The following PDE4D variants were observed in gnomAD, a reference collection of about 807,000 sequenced individuals.
PDE4D encodes the protein 3',5'-cyclic-AMP phosphodiesterase 4D.
A neutral mutation model predicts 87.4 loss-of-function variants in PDE4D; 24 were observed. The observed-to-expected ratio is 0.27, with a 90% CI of 0.20 to 0.39. The LOEUF (loss-of-function observed/expected upper bound fraction) is 0.39. PDE4D is among the 10% of genes least tolerant of loss of function. The pLI, the probability that PDE4D is intolerant of heterozygous loss-of-function variation, is 1.00. For synonymous variants in PDE4D, 384 were observed against 383.2 expected (o/e 1.00, Z -0.02); for missense variants, 714 against 1,041.0 (o/e 0.69, Z 4.32).
intron 1 of PDE4D, among the ~76,000 whole-genome samples, chr5:60,508,566 CA>C (rs1484137064): frequency 6.6e-6 from 1 of 152,214 alleles, no homozygotes; most frequent in Non-Finnish European, 1.5e-5. Context: ...CATTGACCAA[CA>C]AAAATGTTTA....
chr5:60,059,737 C>A (rs950388932), intron 2 of PDE4D, among the ~76,000 whole-genome samples: 1 of 151,938 alleles, frequency 6.6e-6, no homozygotes, highest in African/African-American at 2.4e-5. Context: ...AGCCACTATC[C>A]AACCCTGCAG....
intron 1 of PDE4D, among the ~76,000 whole-genome samples, chr5:59,740,901 T>C (rs1758736704): frequency 6.6e-6 from 1 of 152,206 alleles, no homozygotes; most frequent in African/African-American, 2.4e-5. Flanking sequence ...TATTAATTCA[T>C]TTCTACATAA....
At chr5:60,157,852 C>CTTTTCTT (rs921221141) in intron 2 of PDE4D, among the ~76,000 whole-genome samples, 10 of 151,958 alleles carry the variant, frequency 6.6e-5, no homozygotes, top group African/African-American at 1.7e-4. Context: ...CCATTCTTTT[C>CTTTTCTT]TTTTCTTTTT....
At position 60,426,597 on chromosome 5, in the gene PDE4D, G is replaced by A. The variant is rs535696031; in HGVS notation, c.-90+61345C>T. Among the ~76,000 whole-genome samples, 6 of 152,194 alleles carry A rather than the reference G, an allele frequency of 3.9e-5. No individual in the cohort carries two copies. In the South Asian group the frequency reaches 1.2e-3, roughly 32 times the overall value. On this transcript the variant is annotated intron_variant, in intron 1 of 16. Coordinates refer to the PDE4D transcript ENST00000502484. ...CCTAATGTAAATGATGAGTTGATGG[G>A]TGAAGCAAACCAACATGGCACATGT...
chr5:59,784,778 A>G (rs547402718), intron 1 of PDE4D, among the ~76,000 whole-genome samples: 16 of 152,282 alleles, frequency 1.1e-4, no homozygotes, highest in Admixed American at 3.9e-4. Flanking sequence ...CATGATTCCC[A>G]TGTGTTGTGG....
At chr5:59,361,688 A>AGG (rs1343937173) in intron 1 of PDE4D, among the ~76,000 whole-genome samples, 3 of 152,192 alleles carry the variant, frequency 2.0e-5, no homozygotes, top group African/African-American at 7.2e-5. Context: ...CTCCCCTGAT[A>AGG]GACCTAAACA....
chr5:60,027,954 A>G (rs1250146722), intron 2 of PDE4D, among the ~76,000 whole-genome samples: 1 of 152,098 alleles, frequency 6.6e-6, no homozygotes, highest in East Asian at 1.9e-4. Flanking sequence ...AAATTCTGAG[A>G]ATCTCTGTTC....
At chr5:59,358,954 T>TA (rs1781803662) in intron 1 of PDE4D, among the ~76,000 whole-genome samples, 1 of 152,250 alleles carries the variant, frequency 6.6e-6, no homozygotes. Flanking sequence ...ATCCCAATTT[T>TA]ACTGATAGCA....
chr5:59,393,828 T>C (rs1221280402), intron 1 of PDE4D, among the ~76,000 whole-genome samples: 1 of 134,418 alleles, frequency 7.4e-6, no homozygotes, highest in Admixed American at 7.4e-5. Flanking sequence ...TCTCTTCCTC[T>C]CCTTTCCTCT....
At chr5:59,306,066 G>T (rs963952303) in intron 1 of PDE4D, among the ~76,000 whole-genome samples, 10 of 152,026 alleles carry the variant, frequency 6.6e-5, no homozygotes, top group Non-Finnish European at 1.3e-4. Context: ...AAATTTGGGG[G>T]CTCCATTGTT....
intron 1 of PDE4D, among the ~76,000 whole-genome samples, chr5:59,824,126 A>G (rs1448883438): frequency 6.6e-6 from 1 of 152,104 alleles, no homozygotes. Flanking sequence ...TTTTTCTAGT[A>G]GCCACAAGTA....
At position 59,802,967 on chromosome 5, in the gene PDE4D, A is replaced by G. The variant is rs148076770; in HGVS notation, c.455+90201T>C. Among the ~76,000 whole-genome samples the G allele has an allele frequency of 3.3e-3, 501 of 152,258 alleles. 4 individuals are homozygous for G. Among genetic ancestry groups the G allele is most frequent in the African/African-American group, 0.011 (466 of 41,558 alleles). ...GCAAGAACATAGAAAACACGCTCCAAATGGGTTACAAGCAGAGTTGTGGTG... is the reference window on the plus strand; with the variant it reads ...GCAAGAACATAGAAAACACGCTCCAGATGGGTTACAAGCAGAGTTGTGGTG... On this transcript the variant is annotated intron_variant, in intron 1 of 14. Transcript: ENST00000340635.
chr5:59,999,541 A>C, intron 2 of PDE4D, among the ~76,000 whole-genome samples: 1 of 127,870 alleles, frequency 7.8e-6, no homozygotes, highest in African/African-American at 2.9e-5. Context: ...AAAAAAAAAA[A>C]CAAAACAAAA....
chr5:60,421,011 T>C (rs1241514157), intron 1 of PDE4D, among the ~76,000 whole-genome samples: 2 of 152,116 alleles, frequency 1.3e-5, no homozygotes. Context: ...GAGGCTTAAG[T>C]AGGTAAACAA....
intron 3 of PDE4D, among the ~76,000 whole-genome samples, chr5:59,927,922 T>C (rs1237275331): frequency 1.3e-5 from 2 of 152,228 alleles, no homozygotes; most frequent in Admixed American, 6.5e-5. Flanking sequence ...AATTTAATTG[T>C]AAATGTTATG....
At chr5:59,477,991 C>G (rs1490669503) in intron 1 of PDE4D, among the ~76,000 whole-genome samples, 1 of 151,848 alleles carries the variant, frequency 6.6e-6, no homozygotes, top group South Asian at 2.1e-4. Context: ...AGCTAAACAC[C>G]GAGTACACAT....
intron 1 of PDE4D, among the ~76,000 whole-genome samples, chr5:60,400,217 G>C (rs762354704): frequency 9.2e-5 from 14 of 152,180 alleles, no homozygotes; most frequent in Non-Finnish European, 1.5e-4. Context: ...ACTGGGGTTC[G>C]AAAGTTTTCA....
intron 5 of PDE4D, among the ~76,000 whole-genome samples, chr5:59,096,694 C>A (rs182644344): frequency 1.3e-5 from 2 of 152,220 alleles, no homozygotes; most frequent in East Asian, 3.9e-4. Flanking sequence ...TGATATCAGG[C>A]ATCAGGGAGA....
At chr5:59,219,248 C>T (rs153961) in intron 1 of PDE4D, among the ~76,000 whole-genome samples, 76,356 of 151,172 alleles carry the variant, frequency 0.51, 21,960 homozygotes, top group African/African-American at 0.79. Context: ...ATTGAATTTC[C>T]GTAACAAATC....
Sources: allele counts gnomAD v4.1 joint callset (sites outside exome capture counted in the v4.1 genomes callset), GRCh38; gene constraint gnomAD v4.1.1; transcripts MANE v1.5; gene names NCBI Gene and HGNC (gene_info 2026-07-23, HGNC 2026-07-21).